Variants in MYOCD observed in about 807,000 individuals in gnomAD.
MYOCD encodes the protein myocardin.
Under a neutral mutation model 96.1 loss-of-function variants are expected in MYOCD, and 32 were observed. The ratio of observed to expected loss-of-function variants is 0.33; its 90% CI spans 0.25 to 0.45. The LOEUF (loss-of-function observed/expected upper bound fraction) is 0.45. MYOCD is among the 20% of genes least tolerant of loss of function. The probability of loss-of-function intolerance (pLI) is 1.00; values close to 1 mark genes in which losing one functional copy is unlikely to be tolerated. For missense variants in MYOCD, 1,133 were observed against 1,200.6 expected, an observed-to-expected ratio of 0.94 and a Z score of 0.83; for synonymous variants, 469 against 469.0, an observed-to-expected ratio of 1.00 and a Z score of 0.00.
chr17:12,748,954 A>C (rs1009133064), intron 9 of MYOCD, among the ~76,000 whole-genome samples: 3 of 152,236 alleles, frequency 2.0e-5, no homozygotes, highest in African/African-American at 7.2e-5. Context: ...AGTGTGTAGA[A>C]AAGTAAACAG....
intron 7 of MYOCD, 80 bp downstream of exon 7, chr17:12,739,408 G>A: frequency 1.4e-6 from 2 of 1,450,312 alleles, no homozygotes; most frequent in Non-Finnish European, 1.8e-6. Flanking sequence ...TCTGAGTTAG[G>A]TCTGACAACA....
chr17:12,689,761 G>T (rs544982496), intron 1 of MYOCD, among the ~76,000 whole-genome samples: 1 of 151,620 alleles, frequency 6.6e-6, no homozygotes, highest in African/African-American at 2.4e-5. Context: ...AACCTGGGAG[G>T]CAAAGGTTGC....
At chr17:12,745,239 C>T (rs1271679820) in intron 8 of MYOCD, among the ~76,000 whole-genome samples, 2 of 151,892 alleles carry the variant, frequency 1.3e-5, no homozygotes, top group African/African-American at 2.4e-5. Flanking sequence ...GATGGAGTTT[C>T]ACTCTTGTTG....
At chr17:12,678,462 G>C (rs1910236775) in intron 1 of MYOCD, among the ~76,000 whole-genome samples, 1 of 152,056 alleles carries the variant, frequency 6.6e-6, no homozygotes, top group African/African-American at 2.4e-5. Flanking sequence ...ATGAGGACCA[G>C]CAAAGGCTCA....
chr17:12,757,351 C>T (rs1363590774), intron 11 of MYOCD, among the ~76,000 whole-genome samples: 2 of 152,114 alleles, frequency 1.3e-5, no homozygotes, highest in Non-Finnish European at 2.9e-5. Context: ...CCAGGCACTC[C>T]ACAGGAGAAC....
At chr17:12,743,573 AC>A (rs1232370996) in intron 7 of MYOCD, among the ~76,000 whole-genome samples, 1 of 146,786 alleles carries the variant, frequency 6.8e-6, no homozygotes, top group Non-Finnish European at 1.5e-5. Flanking sequence ...GCTCACTGCA[AC>A]CTCTGCCTCC....
At chr17:12,719,867 C>CAAAAAAAAAA in intron 4 of MYOCD, among the ~76,000 whole-genome samples, 1 of 82,752 alleles carries the variant, frequency 1.2e-5, no homozygotes, top group Non-Finnish European at 2.2e-5. Flanking sequence ...GACTCAGTCT[C>CAAAAAAAAAA]AAAAAAAAAA....
chr17:12,700,004 G>A (rs2030985027), intron 1 of MYOCD, among the ~76,000 whole-genome samples: 2 of 143,360 alleles, frequency 1.4e-5, no homozygotes, highest in African/African-American at 5.3e-5. Context: ...CTGCCTCCCA[G>A]TTCAAGCAAT....
rs548910895 is a variant in MYOCD, at chr17:12,700,674, A to G, written c.56-4454A>G. 1.8e-3 allele frequency among the ~76,000 whole-genome samples: 280 copies of G among 151,450 alleles called. 2 individuals carry two copies. Among genetic ancestry groups the G allele is most frequent in the African/African-American group, 6.6e-3 (270 of 40,848 alleles). On this transcript the variant is annotated intron_variant, in intron 1 of 13. Transcript: ENST00000425538. ...CGTGATCCACCCGTCTGGGCCTCCC[A>G]AAGTGCTGGGATTACAGGCTTGAGG... is the stretch of plus-strand genomic sequence containing the variant.
At chr17:12,706,730 A>T (rs185853162) in intron 2 of MYOCD, among the ~76,000 whole-genome samples, 79 of 152,318 alleles carry the variant, frequency 5.2e-4, no homozygotes, top group Non-Finnish European at 1.1e-3. Context: ...CATGTAAGTT[A>T]TATAAATCAA....
intron 4 of MYOCD, among the ~76,000 whole-genome samples, chr17:12,722,307 A>C (rs1341364438): frequency 1.3e-5 from 2 of 152,196 alleles, no homozygotes; most frequent in South Asian, 4.1e-4. Context: ...CCTGTGGATG[A>C]ATTCAACTTT....
At position 12,745,978 on chromosome 17, in the gene MYOCD, C is replaced by T. The variant is rs138137651; in HGVS notation, c.1031C>T (p.Thr344Ile). The T allele has an allele frequency of 1.3e-4, 217 of 1,614,162 alleles. No homozygotes were observed. In the African/African-American group the frequency reaches 2.5e-3, roughly 18 times the overall value. ...TCTTCTTCAACGCCACTGAGCAATACCCCCTTGTCTCCTGTCAAAAACAGT... is the reference window on the plus strand; with the variant it reads ...TCTTCTTCAACGCCACTGAGCAATATCCCCTTGTCTCCTGTCAAAAACAGT... ...PNSSSTPLSN[T>I]PLSPVKNSFS... Residue 344 changes from threonine to isoleucine, a missense_variant, in exon 9 of 14, where the codon ACC becomes ATC. Coordinates refer to ENST00000425538, the MANE Select transcript of MYOCD (RefSeq NM_001146312.3).
intron 9 of MYOCD, among the ~76,000 whole-genome samples, chr17:12,750,839 T>A (rs1309720742): frequency 2.6e-5 from 4 of 152,232 alleles, no homozygotes; most frequent in Non-Finnish European, 4.4e-5. Flanking sequence ...ACTGTCCATA[T>A]TTTAAATTTT....
chr17:12,756,116 G>A (rs1481819816), intron 10 of MYOCD, among the ~76,000 whole-genome samples: 1 of 152,072 alleles, frequency 6.6e-6, no homozygotes, highest in Non-Finnish European at 1.5e-5. Flanking sequence ...GGTCCATGGC[G>A]GGAATAGTAG....
rs139300486 is a variant in MYOCD, at chr17:12,752,642, A to G, written c.1354A>G (p.Thr452Ala). ...CAACGGCTTCTACCACTTTGGCAGC[A>G]CCAGCTCCAGCCCCCCGATCTCCCC... ...LSNGFYHFGS[T>A]SSSPPISPAS... Residue 452 changes from threonine (T) to alanine (A), a missense_variant, in exon 10 of 14, where the codon ACC becomes GCC. Transcript: ENST00000425538. 10 of 1,613,942 alleles carry G rather than the reference A, an allele frequency of 6.2e-6. No homozygotes were observed. In the African/African-American group the frequency reaches 9.3e-5, roughly 15 times the overall value.
chr17:12,689,979 A>G (rs1290741528), intron 1 of MYOCD, among the ~76,000 whole-genome samples: 1 of 152,242 alleles, frequency 6.6e-6, no homozygotes, highest in South Asian at 2.1e-4. Context: ...CTGGAGATGG[A>G]GAAGGTCTAA....
At chr17:12,742,546 C>T (rs2032541408) in intron 7 of MYOCD, among the ~76,000 whole-genome samples, 1 of 152,046 alleles carries the variant, frequency 6.6e-6, no homozygotes, top group South Asian at 2.1e-4. Flanking sequence ...TCATTTCAAC[C>T]TTCTGTAATA....
In MYOCD at chr17:12,752,856, A is replaced by C. The variant is rs761336066; in HGVS notation, c.1568A>C (p.Glu523Ala). 19 of 1,613,974 alleles carry C rather than the reference A, an allele frequency of 1.2e-5. No homozygotes were observed. The highest frequency in any genetic ancestry group is 4.2e-6 in the Non-Finnish European group (5 of 1,180,028). ...LDSEKDKMLV[E>A]KQKVINELTW... ...TCCGAGAAGGACAAGATGCTGGTGG[A>C]GAAGCAGAAGGTGATCAATGAACTC... The change falls in exon 10 of 14, where the codon GAG becomes GCG. Residue 523 changes from glutamate (E) to alanine (A), a missense_variant. Glu to Ala is a moderately radical substitution (Grantham distance 107). Coordinates refer to ENST00000425538, the MANE Select transcript of MYOCD (RefSeq NM_001146312.3).
chr17:12,723,816 T>C (rs2031917913), intron 5 of MYOCD, among the ~76,000 whole-genome samples: 1 of 152,178 alleles, frequency 6.6e-6, no homozygotes, highest in Admixed American at 6.5e-5. Flanking sequence ...TAATAAGCAG[T>C]GTATATTTAA....
Sources: allele counts gnomAD v4.1 joint callset (sites outside exome capture counted in the v4.1 genomes callset), GRCh38; gene constraint gnomAD v4.1.1; transcripts MANE v1.5; gene names NCBI Gene and HGNC (gene_info 2026-07-23, HGNC 2026-07-21).